RAPH1: variants seen among roughly 807,000 people sequenced by gnomAD.
RAPH1 encodes Ras association (RalGDS/AF-6) and pleckstrin homology domains 1.
A neutral mutation model predicts 88.1 loss-of-function variants in RAPH1; 18 were observed. That is an observed-to-expected ratio of 0.20 (90% CI 0.14 to 0.30). The LOEUF is 0.30. RAPH1 is among the 10% of genes least tolerant of loss of function. The pLI is 1.00. For synonymous variants in RAPH1, 587 were observed against 559.0 expected (o/e 1.05, Z -0.71); for missense variants, 1,448 against 1,543.2 (o/e 0.94, Z 1.03).
chr2:203,473,213 G>A (rs1159469949), intron 4 of RAPH1, among the ~76,000 whole-genome samples: 1 of 152,160 alleles, frequency 6.6e-6, no homozygotes, highest in African/African-American at 2.4e-5. Flanking sequence ...TTGAGCCCAG[G>A]AGCTTAAGGC....
At position 203,518,960 on chromosome 2, in the gene RAPH1, T is replaced by C. The variant is rs139931328; in HGVS notation, c.-1+16151A>G. Among the ~76,000 whole-genome samples, 425 of 152,274 alleles carry C rather than the reference T, an allele frequency of 2.8e-3. 4 individuals are homozygous for C. Among genetic ancestry groups the C allele is most frequent in the African/African-American group, 9.3e-3 (387 of 41,572 alleles). On this transcript the variant is annotated intron_variant, in intron 1 of 13. Transcript: ENST00000319170. Reference sequence around the variant, plus strand: ...CAATTTGTCAAAACTCAAACAAGAATAGACAATCTGAATAGGCCTGTACCT... The same window carrying C: ...CAATTTGTCAAAACTCAAACAAGAACAGACAATCTGAATAGGCCTGTACCT...
At chr2:203,506,261 C>G (rs1486788664) in intron 1 of RAPH1, among the ~76,000 whole-genome samples, 1 of 152,120 alleles carries the variant, frequency 6.6e-6, no homozygotes, top group Non-Finnish European at 1.5e-5. Flanking sequence ...GAAATAAAGA[C>G]AGAGATGTGT....
rs769667540 is a variant in RAPH1 at position 203,489,948 on chromosome 2, A to C, written c.368T>G (p.Val123Gly). Residue 123 changes from valine to glycine, a missense_variant, in exon 4 of 14, where the codon GTT (valine) becomes GGT (glycine). Coordinates refer to ENST00000319170, the MANE Select transcript of RAPH1 (RefSeq NM_213589.3). ...TETKATQKLP[V>G]SRHTLKHGTL... is the part of the protein sequence containing the mutation. ...GCCATGTTTCAATGTATGTCGGCTA[A>C]CAGGCAATTTCTGAGTAGCTTTCGT... 2.0e-5 allele frequency: 32 copies of C among 1,614,128 alleles called. No homozygotes were observed. The highest frequency in any genetic ancestry group is 2.6e-5 in the Non-Finnish European group (31 of 1,180,058).
chr2:203,483,658 G>A (rs1304953431), intron 4 of RAPH1, among the ~76,000 whole-genome samples: 2 of 152,202 alleles, frequency 1.3e-5, no homozygotes, highest in South Asian at 2.1e-4. Context: ...AGTGTTTCCA[G>A]AGGAGATGGT....
At chr2:203,454,358 G>A (rs1035864683) in intron 10 of RAPH1, 72 bp downstream of exon 10, 3 of 1,002,574 alleles carry the variant, frequency 3.0e-6, no homozygotes, top group Non-Finnish European at 4.5e-6. Context: ...AATCTCAACA[G>A]TTCTAAAATA....
At position 203,435,485 on chromosome 2, in the gene RAPH1, T is replaced by C. The variant is rs1364729588; in HGVS notation, c.*3952A>G. 2.0e-5 allele frequency: 3 copies of C among 151,508 alleles called. No homozygotes were observed. The highest frequency in any genetic ancestry group is 2.9e-5 in the Non-Finnish European group (2 of 67,976). The allele number at this position is 151,508 out of a possible 1,614,324, so 9.4% of individuals were successfully genotyped here. A position where few individuals can be genotyped will look rare whatever the true frequency, so the allele number is the denominator to read the frequency against. ...TCATACATTTCTACAGGGTTAGGAG[T>C]ACCCTGCATAATTTATACAAATGTA... is the stretch of plus-strand genomic sequence containing the variant. On this transcript the variant is annotated 3_prime_UTR_variant, in exon 14 of 14. Transcript: ENST00000319170.
chr2:203,522,895 C>CAAAAAAAAA (rs59862473), intron 1 of RAPH1, among the ~76,000 whole-genome samples: 15 of 85,820 alleles, frequency 1.7e-4, no homozygotes, highest in East Asian at 3.6e-4. Context: ...GACTCTGTCT[C>CAAAAAAAAA]AAAAAAAAAA....
intron 1 of RAPH1, among the ~76,000 whole-genome samples, chr2:203,498,626 T>C (rs1688614875): frequency 2.0e-5 from 3 of 152,150 alleles, no homozygotes; most frequent in Admixed American, 2.0e-4. Flanking sequence ...ACATTAGATA[T>C]CATTTAAACC....
chr2:203,485,114 C>T (rs1466620384), intron 4 of RAPH1, among the ~76,000 whole-genome samples: 1 of 152,090 alleles, frequency 6.6e-6, no homozygotes, highest in Non-Finnish European at 1.5e-5. Context: ...ATAAGAGTTA[C>T]ACTGCTGGCC....
At position 203,455,459 on chromosome 2, in the gene RAPH1, T is replaced by G; in HGVS notation, c.1280A>C (p.Tyr427Ser). 6.2e-7 allele frequency: 1 copy of G among 1,613,732 alleles called. No individual in the cohort carries two copies. The highest frequency in any genetic ancestry group is 8.5e-7 in the Non-Finnish European group (1 of 1,179,810). ...YFLLRASGIY[Y>S]VPKGKAKVSR... Reference sequence around the variant, plus strand: ...CACCTTTGCTTTTCCTTTGGGAACATAGTAGATACCAGATGCTCGCAAGAG... The same window carrying G: ...CACCTTTGCTTTTCCTTTGGGAACAGAGTAGATACCAGATGCTCGCAAGAG... Residue 427 changes from tyrosine (Y) to serine (S), a missense_variant, in exon 9 of 14, where the codon TAT (tyrosine) becomes TCT (serine). Around this residue, in one of 2 missense-constraint regions of RAPH1, gnomAD observed 513 missense variants for 653.1 expected, o/e 0.79. Coordinates refer to ENST00000319170, the MANE Select transcript of RAPH1 (RefSeq NM_213589.3).
At chr2:203,506,164 A>C (rs1288950319) in intron 1 of RAPH1, among the ~76,000 whole-genome samples, 1 of 152,228 alleles carries the variant, frequency 6.6e-6, no homozygotes, top group East Asian at 1.9e-4. Context: ...AAATAGACGT[A>C]GCCTATAGCT....
chr2:203,480,334 AG>A (rs1176135217), intron 4 of RAPH1, among the ~76,000 whole-genome samples: 3 of 152,190 alleles, frequency 2.0e-5, no homozygotes, highest in African/African-American at 7.2e-5. Flanking sequence ...GAATCACTTG[AG>A]GTCAGGAGCT....
chr2:203,534,357 T>C (rs895744668), intron 1 of RAPH1, among the ~76,000 whole-genome samples: 1 of 152,174 alleles, frequency 6.6e-6, no homozygotes. Context: ...TATTAAACCA[T>C]GTCTTCGAGC....
intron 4 of RAPH1, among the ~76,000 whole-genome samples, chr2:203,476,657 G>A (rs999602763): frequency 5.9e-5 from 9 of 151,878 alleles, no homozygotes; most frequent in Non-Finnish European, 2.9e-5. Flanking sequence ...CAAATGGCAT[G>A]GCAAAAAAAA....
chr2:203,507,329 AT>A (rs1689137994), intron 1 of RAPH1, among the ~76,000 whole-genome samples: 1 of 152,208 alleles, frequency 6.6e-6, no homozygotes, highest in South Asian at 2.1e-4. Context: ...TGTTATAATT[AT>A]AAAGTATTTA....
At chr2:203,508,431 C>G (rs940656200) in intron 1 of RAPH1, among the ~76,000 whole-genome samples, 1 of 152,014 alleles carries the variant, frequency 6.6e-6, no homozygotes, top group Admixed American at 6.6e-5. Context: ...CCACGCCTGG[C>G]CTTGAGGTTG....
Position 203,437,188 on chromosome 2 carries a change from G to C in RAPH1, c.*2249C>G, listed in dbSNP as rs543349884. On this transcript the variant is annotated 3_prime_UTR_variant, in exon 14 of 14. Coordinates refer to ENST00000319170, the MANE Select transcript of RAPH1 (RefSeq NM_213589.3). The stretch of plus-strand genomic sequence containing the variant: ...GAAATCCTGCACTGAAAACATAAAG[G>C]CTGTTGTTTTAGGGCTCAAATCATG... 3.9e-5 allele frequency: 6 copies of C among 152,116 alleles called. No homozygotes were observed. Among genetic ancestry groups the C allele is most frequent in the Non-Finnish European group, 8.8e-5 (6 of 68,022 alleles). The allele number at this position is 152,116 out of a possible 1,614,324, so 9.4% of individuals were successfully genotyped here.
intron 1 of RAPH1, among the ~76,000 whole-genome samples, chr2:203,531,370 G>A (rs752498167): frequency 6.6e-6 from 1 of 151,876 alleles, no homozygotes; most frequent in African/African-American, 2.4e-5. Flanking sequence ...AAACCTGCAC[G>A]TTGTGCATAT....
intron 10 of RAPH1, among the ~76,000 whole-genome samples, chr2:203,450,992 G>T (rs1470459628): frequency 6.6e-6 from 1 of 151,648 alleles, no homozygotes; most frequent in Admixed American, 6.6e-5. Context: ...TGGGAATACA[G>T]ATAATAACCT....
Sources: gnomAD v4.1 joint callset for allele counts (sites outside exome capture counted in the v4.1 genomes callset) on GRCh38, gnomAD v4.1.1 for gene constraint, gnomAD v4.1.1 regional missense constraint, MANE v1.5 for transcripts, NCBI Gene and HGNC (gene_info 2026-07-23, HGNC 2026-07-21) for gene names.